The following LGSN variants were observed in gnomAD, a reference collection of about 807,000 sequenced individuals.
LGSN encodes the protein lengsin.
A neutral mutation model predicts 19.5 loss-of-function variants in LGSN; 21 were observed. That is an observed-to-expected ratio of 1.07 (90% CI 0.76 to 1.55). The LOEUF (loss-of-function observed/expected upper bound fraction) is 1.55, where lower values mean the gene tolerates loss of function less well. Ranked by LOEUF, LGSN falls within the 40% of genes most tolerant of loss-of-function variation. The probability of loss-of-function intolerance (pLI) is 0.00; values close to 1 mark genes in which losing one functional copy is unlikely to be tolerated. For synonymous variants in LGSN, 257 were observed against 215.6 expected (o/e 1.19, Z -1.68); for missense variants, 673 against 608.5 (o/e 1.11, Z -1.12).
At chr6:63,312,179 T>G (rs1311370561) in intron 1 of LGSN, among the ~76,000 whole-genome samples, 1 of 152,216 alleles carries the variant, frequency 6.6e-6, no homozygotes, top group Admixed American at 6.5e-5. Context: ...ATATATCACT[T>G]TTTCTTTATC....
At chr6:63,291,487 C>G (rs929589935) in intron 2 of LGSN, among the ~76,000 whole-genome samples, 1 of 152,168 alleles carries the variant, frequency 6.6e-6, no homozygotes. Flanking sequence ...GACGGATCTC[C>G]TCTCCGACCG....
At chr6:63,357,187 A>G in the LGSN span, among the ~76,000 whole-genome samples, 1 of 152,120 alleles carries the variant, frequency 6.6e-6, no homozygotes, top group Non-Finnish European at 1.5e-5. Flanking sequence ...GCTGCATAGT[A>G]TTCCATGGTG....
the LGSN span, among the ~76,000 whole-genome samples, chr6:63,494,580 A>G: frequency 6.6e-6 from 1 of 152,182 alleles, no homozygotes; most frequent in African/African-American, 2.4e-5. Context: ...ACATTATCTA[A>G]TTTCTAAAGA....
At chr6:63,452,569 T>C in the LGSN span, among the ~76,000 whole-genome samples, 1 of 152,058 alleles carries the variant, frequency 6.6e-6, no homozygotes, top group Admixed American at 6.6e-5. Context: ...TTGAAAAAAA[T>C]TCATAATATA....
the LGSN span, among the ~76,000 whole-genome samples, chr6:63,338,498 C>A: frequency 6.6e-6 from 1 of 152,096 alleles, no homozygotes; most frequent in Non-Finnish European, 1.5e-5. Flanking sequence ...TATGGTTTTT[C>A]ATAACAGTCT....
chr6:63,370,822 A>C, the LGSN span, among the ~76,000 whole-genome samples: 1 of 152,172 alleles, frequency 6.6e-6, no homozygotes, highest in African/African-American at 2.4e-5. Flanking sequence ...TAAATAACAA[A>C]ATTTTTAAAA....
chr6:63,498,412 T>C, the LGSN span, among the ~76,000 whole-genome samples: 1 of 152,064 alleles, frequency 6.6e-6, no homozygotes, highest in East Asian at 1.9e-4. Context: ...CCCTATCTCA[T>C]CTCTATTGTC....
the LGSN span, among the ~76,000 whole-genome samples, chr6:63,374,064 G>A: frequency 6.6e-6 from 1 of 152,112 alleles, no homozygotes. Flanking sequence ...CTATGGTTAT[G>A]TTAGAAAATG....
the LGSN span, among the ~76,000 whole-genome samples, chr6:63,478,355 G>T: frequency 1.3e-5 from 2 of 152,210 alleles, no homozygotes; most frequent in African/African-American, 4.8e-5. Flanking sequence ...AGGACTGGGG[G>T]AAGCACAGTG....
the LGSN span, among the ~76,000 whole-genome samples, chr6:63,368,313 C>T: frequency 6.6e-6 from 1 of 152,112 alleles, no homozygotes; most frequent in Non-Finnish European, 1.5e-5. Flanking sequence ...CTTACGGCAC[C>T]CTCCTTACAG....
chr6:63,526,671 G>A, the LGSN span, among the ~76,000 whole-genome samples: 3 of 151,282 alleles, frequency 2.0e-5, no homozygotes, highest in African/African-American at 7.3e-5. Context: ...AGCTGGACGT[G>A]GTGGCGTGTG....
chr6:63,499,558 G>A, the LGSN span, among the ~76,000 whole-genome samples: 1 of 151,926 alleles, frequency 6.6e-6, no homozygotes, highest in African/African-American at 2.4e-5. Flanking sequence ...CTCGCTTTTT[G>A]TAGCATTTGA....
chr6:63,503,265 T>C, the LGSN span, among the ~76,000 whole-genome samples: 1 of 152,338 alleles, frequency 6.6e-6, no homozygotes, highest in South Asian at 2.1e-4. Context: ...AACTTATGAA[T>C]GAGTCAGAGT....
chr6:63,518,788 C>T, the LGSN span, among the ~76,000 whole-genome samples: 216 of 152,078 alleles, frequency 1.4e-3, no homozygotes, highest in African/African-American at 5.0e-3. Flanking sequence ...TGGGAAGTTG[C>T]TGAAAAGATA....
At position 63,289,099 on chromosome 6, in the gene LGSN, T is replaced by C. The variant is rs1357924; in HGVS notation, c.164-3346A>G. 5.0e-3 allele frequency among the ~76,000 whole-genome samples: 761 copies of C among 152,338 alleles called. 5 individuals carry two copies. Among genetic ancestry groups the C allele is most frequent in the Middle Eastern group, 0.02 (6 of 294 alleles). On this transcript the variant is annotated intron_variant, in intron 2 of 3. Coordinates refer to ENST00000370657, the MANE Select transcript of LGSN (RefSeq NM_016571.3). ...CTCCTTGAGCGCCAAGGCTTAGTTT[T>C]ACCTGCTGCTGTTTTCTTGGTACTT... is the stretch of plus-strand genomic sequence containing the variant.
At chr6:63,493,281 G>A in the LGSN span, among the ~76,000 whole-genome samples, 1 of 152,144 alleles carries the variant, frequency 6.6e-6, no homozygotes, top group Non-Finnish European at 1.5e-5. Context: ...TAAAGGAAAT[G>A]CAAATGTGTT....
At chr6:63,488,544 G>A in the LGSN span, among the ~76,000 whole-genome samples, 1 of 152,006 alleles carries the variant, frequency 6.6e-6, no homozygotes, top group Non-Finnish European at 1.5e-5. Flanking sequence ...TGACCAATAA[G>A]CCCCCTACAG....
At chr6:63,337,162 A>G in the LGSN span, among the ~76,000 whole-genome samples, 1 of 151,496 alleles carries the variant, frequency 6.6e-6, no homozygotes, top group East Asian at 2.0e-4. Flanking sequence ...TGACCTCTTG[A>G]TCTGCCCGCC....
chr6:63,535,847 CAG>C, the LGSN span, among the ~76,000 whole-genome samples: 1 of 152,162 alleles, frequency 6.6e-6, no homozygotes, highest in Non-Finnish European at 1.5e-5. Flanking sequence ...TTTTTTGAGA[CAG>C]AGTCTCGCTC....
Sources: gnomAD v4.1 joint callset for allele counts (sites outside exome capture counted in the v4.1 genomes callset) on GRCh38, gnomAD v4.1.1 for gene constraint, MANE v1.5 for transcripts, NCBI Gene and HGNC (gene_info 2026-07-23, HGNC 2026-07-21) for gene names.